The following PCDHGB4 variants were observed in gnomAD, a reference collection of about 807,000 sequenced individuals.
PCDHGB4 encodes the protein protocadherin gamma subfamily B, 4, also known as protocadherin gamma-B4.
Under a neutral mutation model 60.5 loss-of-function variants are expected in PCDHGB4, and 38 were observed. The ratio of observed to expected loss-of-function variants is 0.63; its 90% CI spans 0.48 to 0.82. The LOEUF is 0.82. Ranked by LOEUF, PCDHGB4 falls within the 40% of genes least tolerant of loss-of-function variation. PCDHGB4 has a pLI of 0.00. For missense variants in PCDHGB4, 1,109 were observed against 1,209.6 expected (o/e 0.92, Z 1.23); for synonymous variants, 456 against 509.7 (o/e 0.89, Z 1.42).
At position 141,489,193 on chromosome 5, in the gene PCDHGB4, G is replaced by A; in HGVS notation, c.2398-5614G>A. The A allele has an allele frequency of 2.2e-6, 3 of 1,369,230 alleles. No individual in the cohort carries two copies. Among genetic ancestry groups the A allele is most frequent in the Non-Finnish European group, 3.0e-6 (3 of 1,000,290 alleles). 84.8% of individuals were successfully genotyped at this position (1,369,230 alleles called of 1,614,324 possible). On this transcript the variant is annotated intron_variant, in intron 1 of 3. Coordinates refer to ENST00000519479, the MANE Select transcript of PCDHGB4 (RefSeq NM_003736.4). The surrounding 1 kb of genome is among the most constrained non-coding windows in gnomAD (Gnocchi z 4.5). ...GCATTCCAAGCCCTGGGTCTACCTT[G>A]GAGACAGGACAGCACAGACTTACTC...
chr5:141,501,141 A>G (rs940603527), intron 2 of PCDHGB4, among the ~76,000 whole-genome samples: 8 of 152,184 alleles, frequency 5.3e-5, no homozygotes, highest in Admixed American at 5.2e-4. Context: ...TGCTGGGATT[A>G]CAGGTGGGAG....
intron 1 of PCDHGB4, chr5:141,397,859 C>T: frequency 1.8e-6 from 1 of 559,674 alleles, no homozygotes. Context: ...CTGTAGTTTC[C>T]TAGTGCTGAC....
chr5:141,462,007 G>C (rs2099028604), intron 1 of PCDHGB4, among the ~76,000 whole-genome samples: 1 of 152,188 alleles, frequency 6.6e-6, no homozygotes, highest in South Asian at 2.1e-4. Context: ...ATTTTTAATA[G>C]AGACGGGGTT....
chr5:141,399,751 G>A (rs564705346), intron 1 of PCDHGB4: 3 of 1,613,322 alleles, frequency 1.9e-6, no homozygotes, highest in Admixed American at 3.3e-5. Context: ...CAGCGCAAAC[G>A]TGAGCCTGCG....
chr5:141,505,468 G>A lies in PCDHGB4; in HGVS notation c.2532G>A (p.Leu844=). 1 of 1,614,212 alleles carries A rather than the reference G, an allele frequency of 6.2e-7. No homozygotes were observed. Among genetic ancestry groups the A allele is most frequent in the Non-Finnish European group, 8.5e-7 (1 of 1,180,020 alleles). The change falls in exon 3 of 4, where the codon TTG becomes TTA. Residue 844 remains leucine (L), a synonymous_variant. Coordinates refer to ENST00000519479, the MANE Select transcript of PCDHGB4 (RefSeq NM_003736.4). The stretch of plus-strand genomic sequence containing the variant: ...CAGAGATGCTGCAAGCCATGATCTT[G>A]GCGTCCGCCAGTGGTAAGTGGTGTC... The part of the protein sequence containing the change: ...FDTEMLQAMI[L]ASASEAADGS...
intron 1 of PCDHGB4, among the ~76,000 whole-genome samples, chr5:141,449,636 TA>T (rs1448731592): frequency 7.3e-5 from 11 of 150,610 alleles, no homozygotes; most frequent in Non-Finnish European, 1.2e-4. Flanking sequence ...AAGATGTATC[TA>T]TATATACATA....
rs201006002 is a variant in PCDHGB4, at chr5:141,432,497, C to T, written c.2397+42216C>T. 7 of 1,614,062 alleles carry T rather than the reference C, an allele frequency of 4.3e-6. 1 individual carries two copies. In the South Asian group the frequency reaches 6.6e-5, roughly 15 times the overall value. On this transcript the variant is annotated intron_variant, in intron 1 of 3. Transcript: ENST00000519479. This position sits in a 1 kb window ranked among gnomAD's most constrained non-coding sequence, Gnocchi z 6.0. Reference sequence around the variant, plus strand: ...TTCCACTGGCGTGGAGCTGGCTCCCCGCTCCGCAGAGCCCGGCTACCTGGT... The same window carrying T: ...TTCCACTGGCGTGGAGCTGGCTCCCTGCTCCGCAGAGCCCGGCTACCTGGT...
Position 141,485,418 on chromosome 5 carries a change from G to A in PCDHGB4, c.2398-9389G>A. ...CACTTCCGTGTGGATTTGGACAGCG[G>A]AGCCCTGCTCATCAAGAACCCAATC... On this transcript the variant is annotated intron_variant, in intron 1 of 3. Transcript: ENST00000519479. This position sits in a 1 kb window ranked among gnomAD's most constrained non-coding sequence, Gnocchi z 5.7. 6.2e-7 allele frequency: 1 copy of A among 1,614,174 alleles called. No homozygotes were observed. The highest frequency in any genetic ancestry group is 8.5e-7 in the Non-Finnish European group (1 of 1,180,042).
intron 1 of PCDHGB4, chr5:141,400,117 T>C (rs2093964744): frequency 1.2e-6 from 2 of 1,614,050 alleles, no homozygotes; most frequent in Non-Finnish European, 1.7e-6. Context: ...TGCTGACAGC[T>C]TGCAGGAGGT....
In PCDHGB4 at chr5:141,432,808, C is replaced by G. The variant is rs1473886709; in HGVS notation, c.2397+42527C>G. ...TCGGCAGCCTCGAGTCTCCAGCTAA[C>G]TCTGAAACCTCAGACCTCACTCTGT... is the stretch of plus-strand genomic sequence containing the variant. On this transcript the variant is annotated intron_variant, in intron 1 of 3. Coordinates refer to ENST00000519479, the MANE Select transcript of PCDHGB4 (RefSeq NM_003736.4). This position sits in a 1 kb window ranked among gnomAD's most constrained non-coding sequence, Gnocchi z 6.0. 2 of 1,613,486 alleles carry G rather than the reference C, an allele frequency of 1.2e-6. No individual in the cohort carries two copies. Among genetic ancestry groups the G allele is most frequent in the Non-Finnish European group, 1.7e-6 (2 of 1,180,008 alleles).
At chr5:141,423,205 A>G in intron 1 of PCDHGB4, 1 of 1,613,612 alleles carries the variant, frequency 6.2e-7, no homozygotes, top group South Asian at 1.1e-5. Flanking sequence ...GGCCACCGTC[A>G]CGCTCACCGT....
At chr5:141,418,031 G>A (rs760396058) in intron 1 of PCDHGB4, 1 of 1,614,022 alleles carries the variant, frequency 6.2e-7, no homozygotes, top group Non-Finnish European at 8.5e-7. Context: ...AGGGCTTAGT[G>A]TCCTGGATGT....
Position 141,477,312 on chromosome 5 carries a change from TTACTTC to T in PCDHGB4, c.2398-17493_2398-17488del, listed in dbSNP as rs773034406. Reference sequence around the variant, plus strand: ...GTTCCACCGGGTCTCCCTTTCAGCCTTACTTCTTCCCTCAAGAATTACTTCACTTTG... The same window carrying T: ...GTTCCACCGGGTCTCCCTTTCAGCCTTTCCCTCAAGAATTACTTCACTTTG... On this transcript the variant is annotated intron_variant, in intron 1 of 3. Coordinates refer to ENST00000519479, the MANE Select transcript of PCDHGB4 (RefSeq NM_003736.4). The surrounding 1 kb of genome is among the most constrained non-coding windows in gnomAD (Gnocchi z 4.9). The T allele has an allele frequency of 2.5e-6, 4 of 1,614,162 alleles. No homozygotes were observed. Among genetic ancestry groups the T allele is most frequent in the Non-Finnish European group, 3.4e-6 (4 of 1,180,032 alleles).
At chr5:141,397,693 A>G (rs1389804077) in intron 1 of PCDHGB4, among the ~76,000 whole-genome samples, 2 of 152,244 alleles carry the variant, frequency 1.3e-5, no homozygotes, top group East Asian at 1.9e-4. Flanking sequence ...TTGTATAAAA[A>G]CCCAACGTGA....
intron 1 of PCDHGB4, among the ~76,000 whole-genome samples, chr5:141,443,873 T>A (rs1250320938): frequency 6.6e-6 from 1 of 152,100 alleles, no homozygotes; most frequent in Non-Finnish European, 1.5e-5. Context: ...AAATTACTGA[T>A]AAGTCAAGAG....
intron 2 of PCDHGB4, 143 bp from the exon 3 acceptor site, chr5:141,505,250 T>C: frequency 2.8e-6 from 4 of 1,439,476 alleles, no homozygotes; most frequent in Non-Finnish European, 9.3e-7. Flanking sequence ...ATTGTAGAAG[T>C]GCCTCCTACC....
chr5:141,388,548 C>A lies in PCDHGB4; in HGVS notation c.664C>A (p.Leu222Ile). ...LTALDFGAPP[L>I]SSTAQIHVLV... The stretch of plus-strand genomic sequence containing the variant: ...TGCCTTGGACTTTGGAGCTCCACCC[C>A]TAAGCAGCACTGCACAGATACACGT... The change falls in exon 1 of 4, where the codon CTA (leucine) becomes ATA (isoleucine). Residue 222 changes from leucine (L) to isoleucine (I), a missense_variant. Leu to Ile is a conservative substitution (Grantham distance 5, BLOSUM62 2). Transcript: ENST00000519479. 1 of 1,613,842 alleles carries A rather than the reference C, an allele frequency of 6.2e-7. No individual in the cohort carries two copies. The highest frequency in any genetic ancestry group is 8.5e-7 in the Non-Finnish European group (1 of 1,179,880).
intron 1 of PCDHGB4, among the ~76,000 whole-genome samples, chr5:141,450,038 A>G (rs2098666630): frequency 8.1e-6 from 1 of 124,190 alleles, no homozygotes; most frequent in African/African-American, 3.3e-5. Context: ...ACAGGGTCTC[A>G]CTCTTTCGCC....
At chr5:141,420,883 C>A (rs992351503) in intron 1 of PCDHGB4, among the ~76,000 whole-genome samples, 1 of 152,216 alleles carries the variant, frequency 6.6e-6, no homozygotes, top group Non-Finnish European at 1.5e-5. Context: ...TATTGTGTAT[C>A]ATCGTTTTTA....
Sources: gnomAD v4.1 joint callset for allele counts (sites outside exome capture counted in the v4.1 genomes callset) on GRCh38, gnomAD v4.1.1 for gene constraint, Gnocchi (gnomAD v3.1) non-coding constraint, MANE v1.5 for transcripts, NCBI Gene and HGNC (gene_info 2026-07-23, HGNC 2026-07-21) for gene names.